The following PMEPA1 variants were observed in gnomAD, a reference collection of about 807,000 sequenced individuals.
PMEPA1 encodes the protein prostate transmembrane protein, androgen induced 1.
PMEPA1 carries 11 observed loss-of-function variants against 23.0 expected under a neutral mutation model. The ratio of observed to expected loss-of-function variants is 0.48; its 90% CI spans 0.30 to 0.79. The LOEUF (loss-of-function observed/expected upper bound fraction) is 0.79. Ranked by LOEUF, PMEPA1 falls within the 30% of genes least tolerant of loss-of-function variation. The pLI, the probability that PMEPA1 is intolerant of heterozygous loss-of-function variation, is 0.06. For missense variants in PMEPA1, 377 were observed against 390.9 expected (o/e 0.96, Z 0.30); for synonymous variants, 204 against 166.4 (o/e 1.23, Z -1.74).
At chr20:57,686,049 C>T (rs761236767) in intron 1 of PMEPA1, among the ~76,000 whole-genome samples, 4 of 152,118 alleles carry the variant, frequency 2.6e-5, no homozygotes, top group Non-Finnish European at 5.9e-5. Flanking sequence ...ACCCAAACAC[C>T]CTCTAAACTG....
chr20:57,653,858 A>T (rs2071288951), intron 2 of PMEPA1, among the ~76,000 whole-genome samples: 1 of 151,578 alleles, frequency 6.6e-6, no homozygotes, highest in Non-Finnish European at 1.5e-5. Context: ...CCTTTCCAGC[A>T]CCTGTCCTAA....
intron 1 of PMEPA1, among the ~76,000 whole-genome samples, chr20:57,660,831 C>A (rs1016643935): frequency 6.6e-6 from 1 of 151,956 alleles, no homozygotes; most frequent in African/African-American, 2.4e-5. Flanking sequence ...CTCCTACACA[C>A]ACGTCAACAC....
In PMEPA1 at chr20:57,648,423, T is replaced by C. The variant is rs977158547; in HGVS notation, c.*3630A>G. The C allele has an allele frequency of 2.0e-5, 3 of 152,690 alleles. No homozygotes were observed. The highest frequency in any genetic ancestry group is 2.1e-4 in the South Asian group (1 of 4,832). 9.5% of individuals were successfully genotyped at this position (152,690 alleles called of 1,614,324 possible). ...CCAAAGAATTGTAAAATTTATTGTATAAGTATTGCAGCTTTTCAGAATGTC... is the reference window on the plus strand; with the variant it reads ...CCAAAGAATTGTAAAATTTATTGTACAAGTATTGCAGCTTTTCAGAATGTC... On this transcript the variant is annotated 3_prime_UTR_variant, in exon 4 of 4. Coordinates refer to ENST00000341744, the MANE Select transcript of PMEPA1 (RefSeq NM_020182.5).
At chr20:57,674,355 C>T (rs1165967259) in intron 1 of PMEPA1, among the ~76,000 whole-genome samples, 15 of 152,218 alleles carry the variant, frequency 9.9e-5, no homozygotes, top group Non-Finnish European at 2.2e-4. Flanking sequence ...CAGTTCTCAC[C>T]AGAACCCAAA....
chr20:57,708,839 C>T (rs1424171162), intron 1 of PMEPA1, among the ~76,000 whole-genome samples: 1 of 152,094 alleles, frequency 6.6e-6, no homozygotes, highest in South Asian at 2.1e-4. Context: ...GGCACCCCGG[C>T]CCGGACACGG....
Position 57,651,512 on chromosome 20 carries a change from C to G in PMEPA1, c.*541G>C, listed in dbSNP as rs1264931144. 1 of 152,614 alleles carries G rather than the reference C, an allele frequency of 6.6e-6. No homozygotes were observed. Among genetic ancestry groups the G allele is most frequent in the African/African-American group, 2.4e-5 (1 of 41,446 alleles). 9.5% of individuals were successfully genotyped at this position (152,614 alleles called of 1,614,324 possible). ...TTTTTTCTTTACAAGGTAATACACA[C>G]TTTCTGACTTGGCACTCAAAAATTG... On this transcript the variant is annotated 3_prime_UTR_variant, in exon 4 of 4. Coordinates refer to ENST00000341744, the MANE Select transcript of PMEPA1 (RefSeq NM_020182.5).
chr20:57,656,280 C>T lies in PMEPA1; in HGVS notation c.265-3194G>A, dbSNP rs1568961813. Among the ~76,000 whole-genome samples the T allele has an allele frequency of 6.6e-6, 1 of 151,198 alleles. No individual in the cohort carries two copies. Among genetic ancestry groups the T allele is most frequent in the South Asian group, 2.1e-4 (1 of 4,778 alleles). On this transcript the variant is annotated intron_variant, in intron 2 of 3. Transcript: ENST00000341744. This position sits in a 1 kb window ranked among gnomAD's most constrained non-coding sequence, Gnocchi z 4.7. The stretch of plus-strand genomic sequence containing the variant: ...ATGGGAGTGGACGCTAGGTCTTTGG[C>T]TCCCGCTGCTGGCAGATTGTCGCAC...
intron 1 of PMEPA1, among the ~76,000 whole-genome samples, chr20:57,663,601 A>T (rs1270752400): frequency 6.6e-6 from 1 of 152,236 alleles, no homozygotes. Flanking sequence ...GGAATCGCAG[A>T]GGGAGCATCT....
Position 57,682,044 on chromosome 20 carries a change from T to C in PMEPA1, c.110-22347A>G, listed in dbSNP as rs1304476271. 6.6e-6 allele frequency among the ~76,000 whole-genome samples: 1 copy of C among 152,166 alleles called. No individual in the cohort carries two copies. The highest frequency in any genetic ancestry group is 1.5e-5 in the Non-Finnish European group (1 of 68,036). On this transcript the variant is annotated intron_variant, in intron 1 of 3. Transcript: ENST00000341744. This position sits in a 1 kb window ranked among gnomAD's most constrained non-coding sequence, Gnocchi z 4.4. ...ACTCTGTTTCCCATCTGCACCAGAC[T>C]AGTAGCTCCCTGAGGGCAGGCTCAG...
chr20:57,667,437 G>C (rs944007474), intron 1 of PMEPA1, among the ~76,000 whole-genome samples: 29 of 152,148 alleles, frequency 1.9e-4, no homozygotes, highest in Non-Finnish European at 1.8e-4. Context: ...CAGAAATAAC[G>C]GGGGCAACAA....
chr20:57,687,729 C>T (rs1022300996), intron 1 of PMEPA1, among the ~76,000 whole-genome samples: 5 of 152,204 alleles, frequency 3.3e-5, no homozygotes, highest in Non-Finnish European at 7.3e-5. Flanking sequence ...GAGCAACTGA[C>T]ACAGCTGGGC....
intron 1 of PMEPA1, among the ~76,000 whole-genome samples, chr20:57,702,617 G>A (rs975790502): frequency 3.3e-5 from 5 of 152,182 alleles, no homozygotes; most frequent in African/African-American, 1.2e-4. Context: ...TCGGTGTAGT[G>A]GAAAAGAAAG....
At chr20:57,658,033 T>C (rs1325310035) in intron 2 of PMEPA1, among the ~76,000 whole-genome samples, 2 of 152,206 alleles carry the variant, frequency 1.3e-5, no homozygotes, top group Non-Finnish European at 2.9e-5. Flanking sequence ...CATTAAGAGA[T>C]TAACTCTGTG....
chr20:57,671,334 A>C (rs1422244778), intron 1 of PMEPA1, among the ~76,000 whole-genome samples: 2 of 152,114 alleles, frequency 1.3e-5, no homozygotes, highest in Non-Finnish European at 1.5e-5. Context: ...AATTGAGGAG[A>C]GTGGACGACA....
At chr20:57,711,218 A>G (rs943752389), upstream of PMEPA1, 2 of 151,638 alleles carry the variant, frequency 1.3e-5, no homozygotes, top group African/African-American at 2.4e-5. Context: ...GTGTTCAGAG[A>G]AAAAAAAAGC....
intron 1 of PMEPA1, among the ~76,000 whole-genome samples, chr20:57,707,870 A>G (rs560138006): frequency 6.6e-6 from 1 of 152,338 alleles, no homozygotes; most frequent in African/African-American, 2.4e-5. Context: ...ACGTATTTTA[A>G]TAACATTCTC....
At chr20:57,703,699 C>T (rs2072040933) in intron 1 of PMEPA1, among the ~76,000 whole-genome samples, 1 of 152,230 alleles carries the variant, frequency 6.6e-6, no homozygotes, top group South Asian at 2.1e-4. Flanking sequence ...TTGATTCCAA[C>T]CTTCCCAGCC....
chr20:57,658,381 C>T (rs751772656), intron 2 of PMEPA1, among the ~76,000 whole-genome samples: 9 of 152,208 alleles, frequency 5.9e-5, no homozygotes, highest in Admixed American at 2.6e-4. Context: ...CCACGGCCCT[C>T]GGCTTCCTTC....
chr20:57,672,204 C>G (rs1033392234), intron 1 of PMEPA1, among the ~76,000 whole-genome samples: 2 of 152,406 alleles, frequency 1.3e-5, no homozygotes, highest in African/African-American at 4.8e-5. Flanking sequence ...CGCACGCGCA[C>G]GTGTGTGCCT....
Sources: allele counts gnomAD v4.1 joint callset (sites outside exome capture counted in the v4.1 genomes callset), GRCh38; gene constraint gnomAD v4.1.1; non-coding constraint Gnocchi (gnomAD v3.1); transcripts MANE v1.5; gene names NCBI Gene and HGNC (gene_info 2026-07-23, HGNC 2026-07-21).